ITPR1: variants seen among roughly 807,000 people sequenced by gnomAD.
The protein encoded by ITPR1 is inositol 1,4,5-trisphosphate receptor type 1.
In ITPR1, 96 loss-of-function variants were observed where a neutral mutation model predicts 318.4. The ratio of observed to expected loss-of-function variants is 0.30; its 90% CI spans 0.26 to 0.36. The LOEUF (loss-of-function observed/expected upper bound fraction) is 0.36. Among genes scored for constraint, ITPR1 ranks in the 10% least tolerant of loss-of-function variants. The probability of loss-of-function intolerance (pLI) is 1.00; values close to 1 mark genes in which losing one functional copy is unlikely to be tolerated. For missense variants in ITPR1, 2,440 were observed against 3,460.2 expected, an observed-to-expected ratio of 0.71 and a Z score of 7.40; for synonymous variants, 1,312 against 1,289.9, an observed-to-expected ratio of 1.02 and a Z score of -0.37.
intron 4 of ITPR1, among the ~76,000 whole-genome samples, chr3:4,578,590 G>T (rs1439541758): frequency 6.6e-6 from 1 of 152,126 alleles, no homozygotes; most frequent in Non-Finnish European, 1.5e-5. Context: ...AGCCTGACCA[G>T]CTGGTCCTGT....
chr3:4,623,174 G>GTCAAAC (rs2092703317), intron 4 of ITPR1, among the ~76,000 whole-genome samples: 1 of 152,184 alleles, frequency 6.6e-6, no homozygotes, highest in Non-Finnish European at 1.5e-5. Flanking sequence ...TGATTTGATA[G>GTCAAAC]TCAAACTCAT....
intron 10 of ITPR1, among the ~76,000 whole-genome samples, chr3:4,650,819 A>C (rs1033418513): frequency 3.3e-5 from 5 of 152,168 alleles, no homozygotes; most frequent in African/African-American, 1.2e-4. Context: ...ATTGTCTGAC[A>C]GGTCCTGCGT....
rs1417948119 is a variant in ITPR1 at position 4,710,749 on chromosome 3, C to T, written c.4991+276C>T. 5.9e-5 allele frequency among the ~76,000 whole-genome samples: 9 copies of T among 152,140 alleles called. No homozygotes were observed. The highest frequency in any genetic ancestry group is 5.2e-4 in the Admixed American group (8 of 15,280). On this transcript the variant is annotated intron_variant, in intron 38 of 61. Coordinates refer to ENST00000649015, the MANE Select transcript of ITPR1 (RefSeq NM_001378452.1). The surrounding 1 kb of genome is among the most constrained non-coding windows in gnomAD (Gnocchi z 4.2). ...CATTCATTCATTACAGTGCACCCAC[C>T]GTGTGCTGTGGTACAGACATAAAAA...
intron 4 of ITPR1, among the ~76,000 whole-genome samples, chr3:4,553,480 A>C (rs7635333): frequency 1.3e-5 from 2 of 151,946 alleles, no homozygotes; most frequent in Non-Finnish European, 2.9e-5. Context: ...ACCCAGGCTG[A>C]AGTACAGTGG....
chr3:4,710,885 C>T lies in ITPR1; in HGVS notation c.4991+412C>T, dbSNP rs770738189. On this transcript the variant is annotated intron_variant, in intron 38 of 61. Coordinates refer to ENST00000649015, the MANE Select transcript of ITPR1 (RefSeq NM_001378452.1). This position sits in a 1 kb window ranked among gnomAD's most constrained non-coding sequence, Gnocchi z 4.2. ...TGCCTTGTGCGTAATCTGTAAGCAA[C>T]AAGCAGACCCATGGTTAGAAATCTC... 6.6e-6 allele frequency among the ~76,000 whole-genome samples: 1 copy of T among 152,170 alleles called. No individual in the cohort carries two copies. Among genetic ancestry groups the T allele is most frequent in the Non-Finnish European group, 1.5e-5 (1 of 68,024 alleles).
At position 4,822,515 on chromosome 3, in the gene ITPR1, T is replaced by G. The variant is rs190254636; in HGVS notation, c.8028+4273T>G. Among the ~76,000 whole-genome samples the G allele has an allele frequency of 2.5e-3, 381 of 152,282 alleles. 12 individuals carry two copies. In the South Asian group the frequency reaches 0.041, roughly 16 times the overall value. On this transcript the variant is annotated intron_variant, in intron 60 of 61. Transcript: ENST00000649015. ...AGCGTTCTTTTCTCTGTTGAATTGGTCACAGATACTTGTGAGTTCTATCCA... is the reference window on the plus strand; with the variant it reads ...AGCGTTCTTTTCTCTGTTGAATTGGGCACAGATACTTGTGAGTTCTATCCA...
intron 60 of ITPR1, among the ~76,000 whole-genome samples, chr3:4,832,162 T>C (rs111573913): frequency 0.011 from 1,723 of 152,324 alleles, 29 homozygotes; most frequent in African/African-American, 0.039. Context: ...AAGATAAGAA[T>C]GCTTGCCAGT....
intron 4 of ITPR1, among the ~76,000 whole-genome samples, chr3:4,607,023 C>G (rs1315073687): frequency 6.6e-6 from 1 of 152,158 alleles, no homozygotes; most frequent in Non-Finnish European, 1.5e-5. Context: ...TCTGACATTC[C>G]TGGCTAATAT....
At chr3:4,503,787 G>T (rs1384516595) in intron 2 of ITPR1, among the ~76,000 whole-genome samples, 2 of 152,270 alleles carry the variant, frequency 1.3e-5, no homozygotes, top group East Asian at 3.9e-4. Context: ...GGCTTGGTGA[G>T]ACTTTTGTCT....
At chr3:4,532,779 A>G (rs941206174) in intron 4 of ITPR1, among the ~76,000 whole-genome samples, 1 of 152,172 alleles carries the variant, frequency 6.6e-6, no homozygotes, top group Non-Finnish European at 1.5e-5. Flanking sequence ...AGATGTTCTG[A>G]GCCCAGAGCA....
intron 13 of ITPR1, 113 bp from the exon 14 acceptor site, chr3:4,660,875 G>T: frequency 2.3e-4 from 114 of 492,520 alleles, no homozygotes; most frequent in Non-Finnish European, 2.9e-4. Context: ...CCCAGTGTAT[G>T]CAGTAGGAAA....
intron 4 of ITPR1, among the ~76,000 whole-genome samples, chr3:4,541,646 A>G (rs1028830331): frequency 6.7e-6 from 1 of 148,658 alleles, no homozygotes; most frequent in Admixed American, 6.7e-5. Context: ...TTTTTTTTTG[A>G]GATGGAGTCT....
intron 4 of ITPR1, among the ~76,000 whole-genome samples, chr3:4,620,679 GGTT>G (rs1559552075): frequency 8.8e-6 from 1 of 113,150 alleles, no homozygotes; most frequent in African/African-American, 3.5e-5. Flanking sequence ...TTTCTTTGTG[GGTT>G]TTTTTTTTTT....
chr3:4,767,814 T>C (rs546767078), intron 45 of ITPR1, among the ~76,000 whole-genome samples: 98 of 152,322 alleles, frequency 6.4e-4, no homozygotes, highest in South Asian at 2.1e-3. Context: ...CGCTGGACTG[T>C]TCAAAGTTCT....
At chr3:4,744,577 T>C (rs2043943371) in intron 44 of ITPR1, among the ~76,000 whole-genome samples, 1 of 152,166 alleles carries the variant, frequency 6.6e-6, no homozygotes, top group Admixed American at 6.5e-5. Context: ...CAGAGTTGAG[T>C]AGTTGTGACA....
intron 2 of ITPR1, among the ~76,000 whole-genome samples, chr3:4,511,000 A>G (rs888561397): frequency 3.9e-5 from 6 of 152,146 alleles, no homozygotes; most frequent in Non-Finnish European, 8.8e-5. Context: ...AGAAATGGCT[A>G]TGAAGGAGGA....
chr3:4,717,748 A>G (rs1336419876), intron 40 of ITPR1, among the ~76,000 whole-genome samples: 4 of 152,334 alleles, frequency 2.6e-5, no homozygotes, highest in African/African-American at 7.2e-5. Flanking sequence ...GAACTTCTCT[A>G]TCTGTGAGTA....
chr3:4,643,343 G>T (rs1370556428), intron 7 of ITPR1, among the ~76,000 whole-genome samples: 2 of 152,224 alleles, frequency 1.3e-5, no homozygotes, highest in Middle Eastern at 3.2e-3. Flanking sequence ...TAAAAGACAA[G>T]TGTGCCTTGT....
At chr3:4,757,590 G>A (rs1258271773) in intron 44 of ITPR1, among the ~76,000 whole-genome samples, 2 of 152,164 alleles carry the variant, frequency 1.3e-5, no homozygotes, top group Non-Finnish European at 2.9e-5. Flanking sequence ...CGTCGGACAG[G>A]TGGGGCTTGG....
Sources: gnomAD v4.1 joint callset for allele counts (sites outside exome capture counted in the v4.1 genomes callset) on GRCh38, gnomAD v4.1.1 for gene constraint, Gnocchi (gnomAD v3.1) non-coding constraint, MANE v1.5 for transcripts, NCBI Gene and HGNC (gene_info 2026-07-23, HGNC 2026-07-21) for gene names.